The following TENM4 variants were observed in gnomAD, a reference collection of about 807,000 sequenced individuals.
TENM4 encodes the protein teneurin transmembrane protein 4, also known as teneurin-4.
A neutral mutation model predicts 243.3 loss-of-function variants in TENM4; 82 were observed. The ratio of observed to expected loss-of-function variants is 0.34; its 90% CI spans 0.28 to 0.40. The LOEUF is 0.40. Ranked by LOEUF, TENM4 falls within the 10% of genes least tolerant of loss-of-function variation. The pLI is 1.00. For synonymous variants in TENM4, 1,412 were observed against 1,456.3 expected (o/e 0.97, Z 0.69); for missense variants, 3,138 against 3,673.3 (o/e 0.85, Z 3.77).
intron 12 of TENM4, among the ~76,000 whole-genome samples, chr11:78,853,898 C>A (rs1041530671): frequency 1.3e-5 from 2 of 152,190 alleles, no homozygotes; most frequent in Non-Finnish European, 2.9e-5. Context: ...AGAGAAGCAG[C>A]GGGCAACAGC....
At chr11:79,147,518 T>C (rs1035057024) in intron 4 of TENM4, among the ~76,000 whole-genome samples, 4 of 152,138 alleles carry the variant, frequency 2.6e-5, no homozygotes, top group Admixed American at 6.6e-5. Context: ...TATGTTTGCA[T>C]GAGAGTTTAT....
intron 4 of TENM4, among the ~76,000 whole-genome samples, chr11:79,081,444 A>G (rs1860670032): frequency 6.6e-6 from 1 of 152,102 alleles, no homozygotes; most frequent in South Asian, 2.1e-4. Flanking sequence ...TGCTAAGCTG[A>G]AAGGATAGAA....
At chr11:78,927,600 G>A (rs1856579665) in intron 6 of TENM4, among the ~76,000 whole-genome samples, 1 of 152,200 alleles carries the variant, frequency 6.6e-6, no homozygotes, top group Non-Finnish European at 1.5e-5. Flanking sequence ...CCTTTGCTCA[G>A]CGTCAGGCTG....
chr11:79,116,496 C>T (rs1430200440), intron 4 of TENM4, among the ~76,000 whole-genome samples: 1 of 79,854 alleles, frequency 1.3e-5, no homozygotes, highest in Non-Finnish European at 2.7e-5. Flanking sequence ...ACATAATACC[C>T]GTGACGGTGC....
intron 12 of TENM4, among the ~76,000 whole-genome samples, chr11:78,841,704 C>A (rs1278441225): frequency 6.6e-6 from 1 of 152,104 alleles, no homozygotes; most frequent in Admixed American, 6.6e-5. Context: ...CAGGGCTTCC[C>A]CACCTTACAT....
At chr11:79,353,821 T>C (rs566529692) in intron 1 of TENM4, among the ~76,000 whole-genome samples, 2 of 151,952 alleles carry the variant, frequency 1.3e-5, no homozygotes, top group South Asian at 2.1e-4. Flanking sequence ...CCAAATCCAG[T>C]TGGCCAGGTT....
At chr11:79,105,199 C>T (rs964990852) in intron 4 of TENM4, among the ~76,000 whole-genome samples, 1 of 152,174 alleles carries the variant, frequency 6.6e-6, no homozygotes, top group Non-Finnish European at 1.5e-5. Context: ...TGTTGTAAAA[C>T]AAATGAATAT....
At chr11:79,070,135 G>C in intron 4 of TENM4, 126 bp from the exon 5 acceptor site, 2 of 1,152,684 alleles carry the variant, frequency 1.7e-6, no homozygotes, top group South Asian at 1.6e-5. Flanking sequence ...AGAGGGTACC[G>C]CTCCACCACT....
At chr11:78,943,239 A>T (rs956066508) in intron 6 of TENM4, among the ~76,000 whole-genome samples, 17 of 152,226 alleles carry the variant, frequency 1.1e-4, no homozygotes, top group African/African-American at 4.1e-4. Context: ...GGGAGATTTC[A>T]CACCCCAACT....
rs551137929 is a variant in TENM4, at chr11:78,738,371, T to A, written c.2876+80A>T. On this transcript the variant is annotated intron_variant, in intron 20 of 33. Coordinates refer to ENST00000278550, the MANE Select transcript of TENM4 (RefSeq NM_001098816.3). Reference sequence around the variant, plus strand: ...ATCCAAGACCCATCCTCTTTCCACATTATCAGTCCAGCAGCAGCTATATGG... The same window carrying A: ...ATCCAAGACCCATCCTCTTTCCACAATATCAGTCCAGCAGCAGCTATATGG... 3 of 1,517,932 alleles carry A rather than the reference T, an allele frequency of 2.0e-6. No individual in the cohort carries two copies. In the South Asian group the frequency reaches 3.9e-5, roughly 20 times the overall value. 94.0% of individuals were successfully genotyped at this position (1,517,932 alleles called of 1,614,324 possible).
chr11:79,173,418 C>CT (rs1022077976), intron 3 of TENM4, among the ~76,000 whole-genome samples: 1 of 151,894 alleles, frequency 6.6e-6, no homozygotes, highest in East Asian at 1.9e-4. Flanking sequence ...CAGTTGGCAA[C>CT]TTTTTTTTAT....
intron 2 of TENM4, among the ~76,000 whole-genome samples, chr11:79,261,557 T>G (rs921861221): frequency 3.3e-5 from 5 of 152,142 alleles, no homozygotes; most frequent in Non-Finnish European, 7.4e-5. Context: ...CGGCTCTATA[T>G]GGAACCCCAC....
intron 9 of TENM4, among the ~76,000 whole-genome samples, chr11:78,881,896 T>TA (rs1855439809): frequency 6.6e-6 from 1 of 152,228 alleles, no homozygotes; most frequent in African/African-American, 2.4e-5. Context: ...TGGCCTGTTA[T>TA]AATGAGAACA....
intron 6 of TENM4, among the ~76,000 whole-genome samples, chr11:78,952,496 C>G (rs992458965): frequency 6.6e-6 from 1 of 152,100 alleles, no homozygotes; most frequent in South Asian, 2.1e-4. Context: ...GGCAGGGAGG[C>G]CAGAAGGATG....
intron 25 of TENM4, 125 bp from the exon 26 acceptor site, chr11:78,712,839 T>A: frequency 1.1e-6 from 1 of 905,196 alleles, no homozygotes; most frequent in Non-Finnish European, 1.6e-6. Context: ...ATGATGCCCC[T>A]ATTTTGGGTG....
intron 6 of TENM4, among the ~76,000 whole-genome samples, chr11:79,047,715 G>A (rs1320454072): frequency 1.3e-5 from 2 of 152,006 alleles, no homozygotes; most frequent in Non-Finnish European, 2.9e-5. Flanking sequence ...GAGTCAGGCG[G>A]GTATCTGTGT....
At chr11:79,141,724 T>C (rs1030658574) in intron 4 of TENM4, among the ~76,000 whole-genome samples, 3 of 151,936 alleles carry the variant, frequency 2.0e-5, no homozygotes, top group African/African-American at 7.2e-5. Flanking sequence ...ACTAGGCCAA[T>C]ATGATTGATG....
At chr11:79,073,685 T>C (rs1050630048) in intron 4 of TENM4, among the ~76,000 whole-genome samples, 12 of 152,164 alleles carry the variant, frequency 7.9e-5, no homozygotes, top group African/African-American at 2.9e-4. Flanking sequence ...TGAATGACCT[T>C]GGGCAAGTTA....
At chr11:79,224,812 A>G (rs1864231234) in intron 2 of TENM4, among the ~76,000 whole-genome samples, 1 of 152,170 alleles carries the variant, frequency 6.6e-6, no homozygotes, top group African/African-American at 2.4e-5. Context: ...TTAGTCCGGC[A>G]TGGTGGCGCA....
Sources: allele counts gnomAD v4.1 joint callset (sites outside exome capture counted in the v4.1 genomes callset), GRCh38; gene constraint gnomAD v4.1.1; transcripts MANE v1.5; gene names NCBI Gene and HGNC (gene_info 2026-07-23, HGNC 2026-07-21).